The following KCTD5 variants were observed in gnomAD, a reference collection of about 807,000 sequenced individuals.
The protein encoded by KCTD5 is potassium channel tetramerization domain containing 5.
In KCTD5, 12 loss-of-function variants were observed where a neutral mutation model predicts 27.9. The observed-to-expected ratio is 0.43, with a 90% CI of 0.28 to 0.70. KCTD5 has a LOEUF of 0.70. Ranked by LOEUF, KCTD5 falls within the 30% of genes least tolerant of loss-of-function variation. The pLI, the probability that KCTD5 is intolerant of heterozygous loss-of-function variation, is 0.19. For synonymous variants in KCTD5, 147 were observed against 121.4 expected, an observed-to-expected ratio of 1.21 and a Z score of -1.39; for missense variants, 226 against 274.8, an observed-to-expected ratio of 0.82 and a Z score of 1.26.
chr16:2,702,220 T>A, intron 4 of KCTD5, 133 bp from the exon 5 acceptor site: 1 of 1,156,992 alleles, frequency 8.6e-7, no homozygotes, highest in Non-Finnish European at 1.2e-6. Context: ...TTGTTTTCCA[T>A]CCATTTCCTG....
intron 3 of KCTD5, among the ~76,000 whole-genome samples, chr16:2,698,584 G>A (rs1234553345): frequency 1.3e-5 from 2 of 152,204 alleles, no homozygotes; most frequent in Non-Finnish European, 2.9e-5. Flanking sequence ...GTCCCTGAGA[G>A]CTGAGCCCGC....
chr16:2,687,160 C>T (rs77625825), intron 1 of KCTD5, among the ~76,000 whole-genome samples: 8,123 of 152,266 alleles, frequency 0.053, 727 homozygotes, highest in African/African-American at 0.18. Context: ...GGTGCCTCAC[C>T]TGAAGCCCTT....
rs750284506 is a variant in KCTD5 at position 2,702,441 on chromosome 16, C to T, written c.638C>T (p.Pro213Leu). The change falls in exon 5 of 6, where the codon CCG (proline) becomes CTG (leucine). Residue 213 changes from proline to leucine, a missense_variant. By Grantham distance (98) the Pro-to-Leu change is moderately conservative. Coordinates refer to ENST00000301738, the MANE Select transcript of KCTD5 (RefSeq NM_018992.4). ...GTGTCCAAGGAGCTGCACAACACCC[C>T]GTACGGTACGGCCAGCGAGCCCAGC... The part of the protein sequence containing the change: ...CVVSKELHNT[P>L]YGTASEPSEK... 1.1e-5 allele frequency: 17 copies of T among 1,613,210 alleles called. 1 individual carries two copies. The highest frequency in any genetic ancestry group is 4.4e-5 in the South Asian group (4 of 91,088).
intron 3 of KCTD5, chr16:2,699,014 C>G (rs778411707): frequency 4.9e-6 from 2 of 412,186 alleles, no homozygotes; most frequent in Non-Finnish European, 9.8e-6. Context: ...ATCTCACTGT[C>G]TTGCAGAATA....
At chr16:2,705,038 A>C (rs560133424) in intron 5 of KCTD5, among the ~76,000 whole-genome samples, 19 of 152,308 alleles carry the variant, frequency 1.2e-4, no homozygotes, top group Non-Finnish European at 2.2e-4. Context: ...CCTCACTGGA[A>C]GGTCACCGGG....
At chr16:2,699,987 C>T (rs2067604001) in intron 4 of KCTD5, 71 bp downstream of exon 4, 1 of 1,397,196 alleles carries the variant, frequency 7.2e-7, no homozygotes, top group Non-Finnish European at 1.0e-6. Context: ...GCTCAGGGCT[C>T]AGTGCTCCTG....
intron 2 of KCTD5, among the ~76,000 whole-genome samples, chr16:2,697,431 A>T (rs1305939168): frequency 2.0e-5 from 3 of 152,200 alleles, no homozygotes; most frequent in African/African-American, 7.2e-5. Context: ...GGTGACTGAG[A>T]CATATGCACA....
At chr16:2,699,170 C>G in intron 3 of KCTD5, 1 of 456,136 alleles carries the variant, frequency 2.2e-6, no homozygotes, top group Non-Finnish European at 4.4e-6. Flanking sequence ...CGTCTGCAGC[C>G]TGAGTCCTCC....
Position 2,697,935 on chromosome 16 carries a change from A to T in KCTD5, c.391A>T (p.Ile131Phe). Residue 131 changes from isoleucine (I) to phenylalanine (F), a missense_variant, in exon 3 of 6, where the codon ATC (isoleucine) becomes TTC (phenylalanine). Around this residue, in one of 2 missense-constraint regions of KCTD5, gnomAD observed 135 missense variants for 207.0 expected, o/e 0.65. Coordinates refer to ENST00000301738, the MANE Select transcript of KCTD5 (RefSeq NM_018992.4). ...GVLEEAEFYNITSLIKLVKDK... is the reference protein window; with the variant it reads ...GVLEEAEFYNFTSLIKLVKDK... The stretch of plus-strand genomic sequence containing the variant: ...GTTGGAGGAAGCAGAATTTTACAAT[A>T]TCACCTCATTAATAAAACTTGTAAA... The T allele has an allele frequency of 6.2e-7, 1 of 1,611,296 alleles. No individual in the cohort carries two copies. Among genetic ancestry groups the T allele is most frequent in the Non-Finnish European group, 8.5e-7 (1 of 1,177,606 alleles).
At chr16:2,687,594 G>A (rs1483661473) in intron 1 of KCTD5, among the ~76,000 whole-genome samples, 4 of 152,250 alleles carry the variant, frequency 2.6e-5, no homozygotes, top group Non-Finnish European at 5.9e-5. Context: ...GCTCTGAAAG[G>A]TCACGGAGTG....
Position 2,682,758 on chromosome 16 carries a change from G to C in KCTD5, c.210G>C (p.Leu70=). The change falls in exon 1 of 6, where the codon CTG becomes CTC. Residue 70 remains leucine (L), a synonymous_variant. Transcript: ENST00000301738. ...TGTGCCGGGACCCGAAATCCTTCCT[G>C]TACCGCTTATGCCAGGCCGATCCCG... ...QTLCRDPKSF[L]YRLCQADPDL... is the part of the protein sequence containing the mutation. 3 of 1,607,112 alleles carry C rather than the reference G, an allele frequency of 1.9e-6. No individual in the cohort carries two copies. The highest frequency in any genetic ancestry group is 2.5e-6 in the Non-Finnish European group (3 of 1,177,398).
At chr16:2,702,605 C>T in intron 5 of KCTD5, 127 bp downstream of exon 5, 2 of 1,271,558 alleles carry the variant, frequency 1.6e-6, no homozygotes, top group Non-Finnish European at 2.1e-6. Context: ...GCCTTGCTGA[C>T]TTCTTGGACA....
rs2067593121 is a variant in KCTD5 at position 2,697,820 on chromosome 16, A to C, written c.362-86A>C. ...AGCCATGGGCCCTCATTGCAGGGGC[A>C]GGGGCAAGGGCAGGGGTGGGTGTAA... On this transcript the variant is annotated intron_variant, in intron 2 of 5. Coordinates refer to ENST00000301738, the MANE Select transcript of KCTD5 (RefSeq NM_018992.4). 7.5e-6 allele frequency: 7 copies of C among 930,012 alleles called. No individual in the cohort carries two copies. The South Asian group carries it at 1.0e-4, about 14-fold the overall frequency. The allele number at this position is 930,012 out of a possible 1,614,324, so 57.6% of individuals were successfully genotyped here. A position where few individuals can be genotyped will look rare whatever the true frequency, so the allele number is the denominator to read the frequency against.
chr16:2,684,734 CA>C (rs141502691), intron 1 of KCTD5: 2,680 of 149,462 alleles, frequency 0.018, 32 homozygotes, highest in Non-Finnish European at 0.027. Context: ...CACTGCAGTC[CA>C]GCCTGGGTGA....
Position 2,706,649 on chromosome 16 carries a change from T to C in KCTD5, c.676-649T>C, listed in dbSNP as rs767313545. 2.0e-5 allele frequency among the ~76,000 whole-genome samples: 3 copies of C among 151,492 alleles called. No individual in the cohort carries two copies. In the South Asian group the frequency reaches 6.3e-4, roughly 32 times the overall value. ...GGGGAGGGTACCTTGAGGAAGAGTT[T>C]TGAGGAGATTGGAGGGTGGGGAGGG... On this transcript the variant is annotated intron_variant, in intron 5 of 5. Coordinates refer to ENST00000301738, the MANE Select transcript of KCTD5 (RefSeq NM_018992.4).
At chr16:2,698,572 C>T (rs892912073) in intron 3 of KCTD5, among the ~76,000 whole-genome samples, 6 of 152,226 alleles carry the variant, frequency 3.9e-5, no homozygotes, top group Non-Finnish European at 8.8e-5. Flanking sequence ...GGCATCAGTC[C>T]CGTCCCTGAG....
intron 3 of KCTD5, among the ~76,000 whole-genome samples, chr16:2,698,318 G>T (rs1396209475): frequency 6.6e-6 from 1 of 152,244 alleles, no homozygotes; most frequent in Non-Finnish European, 1.5e-5. Context: ...CCCTGAGGTG[G>T]ATGGCATCTG....
At chr16:2,685,856 C>T (rs972118657) in intron 1 of KCTD5, 3 of 151,426 alleles carry the variant, frequency 2.0e-5, no homozygotes, top group Non-Finnish European at 4.4e-5. Flanking sequence ...GATTATTAGA[C>T]TTGTGTGGAG....
At chr16:2,702,537 C>G (rs527328247) in intron 5 of KCTD5, 59 bp downstream of exon 5, 1 of 1,578,224 alleles carries the variant, frequency 6.3e-7, no homozygotes, top group South Asian at 1.1e-5. Flanking sequence ...CTCTTGCCCT[C>G]TCAGACCTTC....
Sources: gnomAD v4.1 joint callset for allele counts (sites outside exome capture counted in the v4.1 genomes callset) on GRCh38, gnomAD v4.1.1 for gene constraint, gnomAD v4.1.1 regional missense constraint, MANE v1.5 for transcripts, NCBI Gene and HGNC (gene_info 2026-07-23, HGNC 2026-07-21) for gene names.